Variants in FGD4 observed in about 807,000 individuals in gnomAD.
FGD4 encodes the protein FYVE, RhoGEF and PH domain-containing protein 4.
Under a neutral mutation model 102.0 loss-of-function variants are expected in FGD4, and 42 were observed. The ratio of observed to expected loss-of-function variants is 0.41; its 90% confidence interval spans 0.32 to 0.53. The LOEUF (loss-of-function observed/expected upper bound fraction) is 0.53, where lower values mean the gene tolerates loss of function less well. Ranked by LOEUF, FGD4 falls within the 20% of genes least tolerant of loss-of-function variation. FGD4 has a pLI of 0.21. For missense variants in FGD4, 902 were observed against 1,078.2 expected, an observed-to-expected ratio of 0.84 and a Z score of 2.29; for synonymous variants, 380 against 375.7, an observed-to-expected ratio of 1.01 and a Z score of -0.13.
At position 32,624,973 on chromosome 12, in the gene FGD4, T is replaced by A; in HGVS notation, c.1954-3T>A. ...TGTGCTTTGAATTTTACTTATACTT[T>A]AGGCCCTTCAAGAAACCATCGATGC... On this transcript the variant is annotated splice_polypyrimidine_tract_variant and splice_region_variant and intron_variant, in intron 12 of 16. Transcript: ENST00000534526. 1.2e-6 allele frequency: 2 copies of A among 1,612,534 alleles called. No homozygotes were observed. Among genetic ancestry groups the A allele is most frequent in the Non-Finnish European group, 1.7e-6 (2 of 1,178,840 alleles).
At chr12:32,614,056 CT>C (rs1232793997) in intron 10 of FGD4, among the ~76,000 whole-genome samples, 4 of 152,108 alleles carry the variant, frequency 2.6e-5, no homozygotes, top group East Asian at 3.9e-4. Flanking sequence ...AAAAGTTCAT[CT>C]TTTTCCTGCC....
Position 32,645,091 on chromosome 12 carries a change from C to T in FGD4, c.*4558C>T, listed in dbSNP as rs1009454555. The T allele has an allele frequency of 4.6e-5, 7 of 151,960 alleles. No individual in the cohort carries two copies. The highest frequency in any genetic ancestry group is 1.3e-4 in the Admixed American group (2 of 15,242). 9.4% of individuals were successfully genotyped at this position (151,960 alleles called of 1,614,324 possible). On this transcript the variant is annotated 3_prime_UTR_variant, in exon 17 of 17. Coordinates refer to ENST00000534526, the MANE Select transcript of FGD4 (RefSeq NM_001370298.3). ...TCATTGTGGTAGTTTTAGTGGAAAA[C>T]GTAAATCAAGAAATCTCATATCATA... is the stretch of plus-strand genomic sequence containing the variant.
Position 32,510,255 on chromosome 12 carries a change from A to G in FGD4, c.167-53882A>G, listed in dbSNP as rs141749609. Among the ~76,000 whole-genome samples, 407 of 152,336 alleles carry G rather than the reference A, an allele frequency of 2.7e-3. 3 individuals carry two copies. The highest frequency in any genetic ancestry group is 1.6e-3 in the Non-Finnish European group (110 of 68,030). ...TCAACAATAGGAAAATAGCTAAATA[A>G]ATTACTGTGCATTCATGGGATTGTA... On this transcript the variant is annotated intron_variant, in intron 1 of 16. Transcript: ENST00000534526.
intron 1 of FGD4, among the ~76,000 whole-genome samples, chr12:32,408,307 T>TG (rs1565722509): frequency 6.6e-6 from 1 of 152,076 alleles, no homozygotes; most frequent in African/African-American, 2.4e-5. Flanking sequence ...TAGCTGGGAT[T>TG]ACAGGCATGT....
chr12:32,492,905 C>A (rs1944160429), intron 1 of FGD4, among the ~76,000 whole-genome samples: 1 of 152,206 alleles, frequency 6.6e-6, no homozygotes. Context: ...GTGCTGCCCG[C>A]ACCTTGGACA....
At chr12:32,530,535 G>A (rs1017118551) in intron 1 of FGD4, among the ~76,000 whole-genome samples, 1 of 152,160 alleles carries the variant, frequency 6.6e-6, no homozygotes, top group African/African-American at 2.4e-5. Context: ...CTTATTCAGT[G>A]CAATGTGTAT....
intron 1 of FGD4, among the ~76,000 whole-genome samples, chr12:32,436,837 G>T (rs1029636068): frequency 6.6e-6 from 1 of 152,148 alleles, no homozygotes; most frequent in Non-Finnish European, 1.5e-5. Context: ...AAAAATGGGG[G>T]CCAGGCATGG....
chr12:32,587,304 A>G (rs1947126634), intron 4 of FGD4, among the ~76,000 whole-genome samples: 2 of 152,080 alleles, frequency 1.3e-5, no homozygotes, highest in South Asian at 2.1e-4. Flanking sequence ...CTTACTAGCT[A>G]GGTGACCACT....
intron 1 of FGD4, among the ~76,000 whole-genome samples, chr12:32,536,645 C>T (rs1191209560): frequency 2.0e-5 from 3 of 152,102 alleles, no homozygotes; most frequent in Non-Finnish European, 4.4e-5. Context: ...TATTCCCTGG[C>T]GAATTGACAC....
chr12:32,634,434 T>G (rs1950675427), intron 15 of FGD4, among the ~76,000 whole-genome samples: 1 of 152,162 alleles, frequency 6.6e-6, no homozygotes, highest in South Asian at 2.1e-4. Context: ...ATAACTACAT[T>G]AAATATTATT....
chr12:32,411,016 C>T (rs1341190500), intron 1 of FGD4, among the ~76,000 whole-genome samples: 2 of 150,656 alleles, frequency 1.3e-5, no homozygotes, highest in African/African-American at 2.4e-5. Context: ...CTGCAGCCTC[C>T]GCCTCCCAGG....
chr12:32,408,499 C>T (rs192822581), intron 1 of FGD4, among the ~76,000 whole-genome samples: 287 of 152,238 alleles, frequency 1.9e-3, no homozygotes, highest in Middle Eastern at 3.4e-3. Flanking sequence ...GATGGGGTTT[C>T]GCCTTGTTGG....
At chr12:32,453,201 TA>T (rs61341246) in intron 1 of FGD4, among the ~76,000 whole-genome samples, 10 of 20,122 alleles carry the variant, frequency 5.0e-4, no homozygotes, top group South Asian at 1.8e-3. Flanking sequence ...ATATATATAT[TA>T]TATATATATA....
chr12:32,401,000 T>C (rs751859381), intron 1 of FGD4, among the ~76,000 whole-genome samples: 3 of 152,216 alleles, frequency 2.0e-5, no homozygotes, highest in Admixed American at 6.5e-5. Flanking sequence ...TGAGAAAATA[T>C]GTAAACAAGT....
At chr12:32,407,510 A>G (rs1321826334) in intron 1 of FGD4, among the ~76,000 whole-genome samples, 1 of 152,222 alleles carries the variant, frequency 6.6e-6, no homozygotes, top group East Asian at 1.9e-4. Flanking sequence ...AAACATGGGT[A>G]AACCCCACTT....
intron 1 of FGD4, among the ~76,000 whole-genome samples, chr12:32,479,644 A>AT (rs928714562): frequency 6.7e-6 from 1 of 150,010 alleles, no homozygotes; most frequent in African/African-American, 2.4e-5. Flanking sequence ...TCCTCTAAAG[A>AT]TTTTTTCATA....
At chr12:32,427,549 G>A (rs1941885401) in intron 1 of FGD4, among the ~76,000 whole-genome samples, 1 of 152,156 alleles carries the variant, frequency 6.6e-6, no homozygotes, top group African/African-American at 2.4e-5. Context: ...CTGTTGATTT[G>A]GGGTAGAGAG....
chr12:32,530,418 G>A (rs921792454), intron 1 of FGD4, among the ~76,000 whole-genome samples: 1 of 152,152 alleles, frequency 6.6e-6, no homozygotes, highest in Non-Finnish European at 1.5e-5. Context: ...AGGAGGCGGA[G>A]GTTGCAGTGA....
intron 11 of FGD4, among the ~76,000 whole-genome samples, chr12:32,622,473 G>C (rs1043207103): frequency 6.6e-6 from 1 of 152,154 alleles, no homozygotes; most frequent in African/African-American, 2.4e-5. Context: ...CCCAATTCTT[G>C]TTGGAAATAT....
Sources: allele counts gnomAD v4.1 joint callset (sites outside exome capture counted in the v4.1 genomes callset), GRCh38; gene constraint gnomAD v4.1.1; transcripts MANE v1.5; gene names NCBI Gene and HGNC (gene_info 2026-07-23, HGNC 2026-07-21).